Variants in LGALS8 observed in about 807,000 individuals in gnomAD.
The protein encoded by LGALS8 is galectin-8.
A neutral mutation model predicts 35.9 loss-of-function variants in LGALS8; 30 were observed. The ratio of observed to expected loss-of-function variants is 0.83; its 90% CI spans 0.62 to 1.13. The LOEUF (loss-of-function observed/expected upper bound fraction) is 1.13. Ranked by LOEUF, LGALS8 falls within the 50% of genes most tolerant of loss-of-function variation. The pLI, the probability that LGALS8 is intolerant of heterozygous loss-of-function variation, is 0.00. For synonymous variants in LGALS8, 138 were observed against 136.1 expected (o/e 1.01, Z -0.10); for missense variants, 366 against 388.7 (o/e 0.94, Z 0.49).
rs964755062 is a variant in LGALS8, at chr1:236,550,712, G to T, written c.*2551G>T. The stretch of plus-strand genomic sequence containing the variant: ...ATTTACTCTTTCTGCAGCTCTATAC[G>T]ATAGGCAGGAGAGGCTTATGTGGCA... On this transcript the variant is annotated 3_prime_UTR_variant, in exon 10 of 10. Transcript: ENST00000366584. 5.7e-6 allele frequency: 3 copies of T among 523,508 alleles called. No homozygotes were observed. Among genetic ancestry groups the T allele is most frequent in the Middle Eastern group, 4.6e-4 (1 of 2,194 alleles). The allele number at this position is 523,508 out of a possible 1,614,324, so 32.4% of individuals were successfully genotyped here. A position where few individuals can be genotyped will look rare whatever the true frequency, so the allele number is the denominator to read the frequency against.
At chr1:236,530,518 T>A (rs1456576481) in intron 2 of LGALS8, among the ~76,000 whole-genome samples, 2 of 151,946 alleles carry the variant, frequency 1.3e-5, no homozygotes, top group African/African-American at 2.4e-5. Flanking sequence ...CACTCATAGA[T>A]TTTTTTTTCC....
intron 2 of LGALS8, among the ~76,000 whole-genome samples, chr1:236,527,073 G>A (rs1438288323): frequency 6.6e-6 from 1 of 152,112 alleles, no homozygotes; most frequent in African/African-American, 2.4e-5. Flanking sequence ...GCGCATGTTA[G>A]AGTTAAAAAC....
intron 2 of LGALS8, among the ~76,000 whole-genome samples, chr1:236,535,548 C>T (rs1345438831): frequency 6.6e-6 from 1 of 152,072 alleles, no homozygotes; most frequent in Non-Finnish European, 1.5e-5. Context: ...AAAAACTTCT[C>T]ATTTTATTAA....
In LGALS8 at chr1:236,538,978, C is replaced by T. The variant is rs1312082384; in HGVS notation, c.234C>T (p.Cys78=). 4 of 1,614,102 alleles carry T rather than the reference C, an allele frequency of 2.5e-6. No homozygotes were observed. The highest frequency in any genetic ancestry group is 1.7e-4 in the Middle Eastern group (1 of 6,030). The change falls in exon 4 of 10, where the codon TGC becomes TGT. Residue 78 remains cysteine, a synonymous_variant. Coordinates refer to ENST00000366584, the MANE Select transcript of LGALS8 (RefSeq NM_201544.4). ...TCAAAAGGGCCGGCTGCATTGTTTG[C>T]AATACTTTGATAAATGAAAAATGGG... The part of the protein sequence containing the change: ...PRFKRAGCIV[C]NTLINEKWGR...
rs1021075581 is a variant in LGALS8 at position 236,550,618 on chromosome 1, C to T, written c.*2457C>T. On this transcript the variant is annotated 3_prime_UTR_variant, in exon 10 of 10. Coordinates refer to ENST00000366584, the MANE Select transcript of LGALS8 (RefSeq NM_201544.4). ...AAAATTAACAAGTCTAATATTATTA[C>T]CATCAATCAGGAAGAGAATAATAAA... 4.2e-5 allele frequency: 14 copies of T among 333,294 alleles called. No homozygotes were observed. Among genetic ancestry groups the T allele is most frequent in the Non-Finnish European group, 5.4e-6 (1 of 184,430 alleles). 20.6% of individuals were successfully genotyped at this position (333,294 alleles called of 1,614,324 possible).
chr1:236,537,020 C>T (rs1222447200), intron 2 of LGALS8, among the ~76,000 whole-genome samples: 1 of 47,004 alleles, frequency 2.1e-5, no homozygotes, highest in African/African-American at 6.3e-5. Flanking sequence ...GTATGCAGTT[C>T]CTTTTTTTTT....
intron 5 of LGALS8, among the ~76,000 whole-genome samples, chr1:236,541,007 G>A (rs376527492): frequency 6.6e-6 from 1 of 152,212 alleles, no homozygotes; most frequent in Admixed American, 6.5e-5. Flanking sequence ...CTGAGTCAAA[G>A]AGCACAGTCA....
intron 9 of LGALS8, among the ~76,000 whole-genome samples, chr1:236,546,979 C>G (rs1196496984): frequency 6.6e-6 from 1 of 151,198 alleles, no homozygotes; most frequent in African/African-American, 2.4e-5. Context: ...TCCTCCCCTT[C>G]CTGATTTTCC....
At chr1:236,532,575 C>T (rs952274793) in intron 2 of LGALS8, among the ~76,000 whole-genome samples, 8 of 152,174 alleles carry the variant, frequency 5.3e-5, no homozygotes, top group African/African-American at 1.7e-4. Context: ...GGCGCGGTGG[C>T]TCACACCTGT....
rs1012751735 is a variant in LGALS8 at position 236,551,718 on chromosome 1, T to C, written c.*3557T>C. 1 of 323,774 alleles carries C rather than the reference T, an allele frequency of 3.1e-6. No individual in the cohort carries two copies. The highest frequency in any genetic ancestry group is 5.7e-6 in the Non-Finnish European group (1 of 176,080). The allele number at this position is 323,774 out of a possible 1,614,324, so 20.1% of individuals were successfully genotyped here. On this transcript the variant is annotated 3_prime_UTR_variant, in exon 10 of 10. Transcript: ENST00000366584. Reference sequence around the variant, plus strand: ...TAAAAACACTACTGTAATCTGCTTGTATGATCACAAACCACCACAAAAGAA... The same window carrying C: ...TAAAAACACTACTGTAATCTGCTTGCATGATCACAAACCACCACAAAAGAA...
intron 9 of LGALS8, among the ~76,000 whole-genome samples, chr1:236,546,687 C>T (rs1662383605): frequency 6.6e-6 from 1 of 152,256 alleles, no homozygotes; most frequent in Admixed American, 6.5e-5. Flanking sequence ...GCTTGTAATT[C>T]ACTGGCTTTG....
chr1:236,528,265 C>T (rs1660931904), intron 2 of LGALS8, among the ~76,000 whole-genome samples: 1 of 151,476 alleles, frequency 6.6e-6, no homozygotes, highest in South Asian at 2.1e-4. Flanking sequence ...TCCTGTAATC[C>T]CAGCTACTCG....
At chr1:236,529,489 G>A (rs1337698184) in intron 2 of LGALS8, among the ~76,000 whole-genome samples, 6 of 151,252 alleles carry the variant, frequency 4.0e-5, no homozygotes, top group African/African-American at 1.5e-4. Flanking sequence ...GGTTGAGGCA[G>A]GAGAATCACT....
At chr1:236,543,831 G>A (rs75328932) in intron 8 of LGALS8, among the ~76,000 whole-genome samples, 183 bp downstream of exon 8, 11,573 of 152,148 alleles carry the variant, frequency 0.076, 815 homozygotes, top group African/African-American at 0.19. Flanking sequence ...AGCCGACTAA[G>A]GCCGTGTTCT....
intron 7 of LGALS8, chr1:236,543,122 A>G (rs1662121470): frequency 1.5e-6 from 2 of 1,299,754 alleles, no homozygotes; most frequent in Non-Finnish European, 1.1e-6. Context: ...TATCCACAAT[A>G]GAGGCCCAAA....
intron 3 of LGALS8, 31 bp downstream of exon 3, chr1:236,537,616 G>A (rs1207631847): frequency 7.0e-7 from 1 of 1,422,970 alleles, no homozygotes; most frequent in Admixed American, 1.7e-5. Flanking sequence ...GAAGGAGCAT[G>A]AATAGGCTGT....
chr1:236,547,113 GCTGCCC>G (rs1206359935), intron 9 of LGALS8, among the ~76,000 whole-genome samples: 1 of 152,208 alleles, frequency 6.6e-6, no homozygotes, highest in East Asian at 1.9e-4. Flanking sequence ...GCAAGGCTGA[GCTGCCC>G]CTCTTTCTTC....
intron 2 of LGALS8, among the ~76,000 whole-genome samples, chr1:236,528,018 G>C (rs1166032090): frequency 6.6e-6 from 1 of 152,140 alleles, no homozygotes; most frequent in African/African-American, 2.4e-5. Context: ...TTACAGGCGT[G>C]AGGCACCATG....
rs141850528 is a variant in LGALS8 at position 236,542,476 on chromosome 1, T to C, written c.523-285T>C. 219 of 480,784 alleles carry C rather than the reference T, an allele frequency of 4.6e-4. 2 individuals carry two copies. The highest frequency in any genetic ancestry group is 4.0e-3 in the African/African-American group (204 of 51,596). 29.8% of individuals were successfully genotyped at this position (480,784 alleles called of 1,614,324 possible). A position where few individuals can be genotyped will look rare whatever the true frequency, so the allele number is the denominator to read the frequency against. ...GTGTGGATGACAGAGTAAGACCCTG[T>C]CTCTTAAAAAAATTTCATATAGTTC... On this transcript the variant is annotated intron_variant, in intron 6 of 9. Coordinates refer to ENST00000366584, the MANE Select transcript of LGALS8 (RefSeq NM_201544.4).
Sources: allele counts gnomAD v4.1 joint callset (sites outside exome capture counted in the v4.1 genomes callset), GRCh38; gene constraint gnomAD v4.1.1; transcripts MANE v1.5; gene names NCBI Gene and HGNC (gene_info 2026-07-23, HGNC 2026-07-21).